CNTNAP2: variants seen among roughly 807,000 people sequenced by gnomAD.
CNTNAP2 encodes the protein contactin-associated protein-like 2.
In CNTNAP2, 98 loss-of-function variants were observed where a neutral mutation model predicts 155.2. The ratio of observed to expected loss-of-function variants is 0.63; its 90% confidence interval spans 0.54 to 0.75. CNTNAP2 has a LOEUF of 0.75. CNTNAP2 is among the 30% of genes least tolerant of loss of function. CNTNAP2 has a pLI of 0.00. For synonymous variants in CNTNAP2, 651 were observed against 631.2 expected, an observed-to-expected ratio of 1.03 and a Z score of -0.47; for missense variants, 1,727 against 1,688.1, an observed-to-expected ratio of 1.02 and a Z score of -0.40.
chr7:148,019,144 G>A (rs1802233095), intron 15 of CNTNAP2, among the ~76,000 whole-genome samples: 1 of 152,178 alleles, frequency 6.6e-6, no homozygotes, highest in Admixed American at 6.5e-5. Context: ...TCACTGATGT[G>A]AAAATCATTT....
intron 9 of CNTNAP2, among the ~76,000 whole-genome samples, chr7:147,365,764 A>G (rs949083044): frequency 4.6e-5 from 7 of 152,172 alleles, no homozygotes; most frequent in African/African-American, 1.7e-4. Context: ...GTTCATTTCT[A>G]TCAACATAGT....
chr7:146,624,298 T>C (rs1295001811), intron 1 of CNTNAP2, among the ~76,000 whole-genome samples: 1 of 152,084 alleles, frequency 6.6e-6, no homozygotes, highest in Non-Finnish European at 1.5e-5. Context: ...GGATAAAGGC[T>C]TGTGTGTACC....
At chr7:147,725,124 T>TA (rs1238747616) in intron 13 of CNTNAP2, among the ~76,000 whole-genome samples, 1 of 152,068 alleles carries the variant, frequency 6.6e-6, no homozygotes, top group Non-Finnish European at 1.5e-5. Flanking sequence ...AGGACACTCA[T>TA]AACCTTTCCT....
intron 21 of CNTNAP2, among the ~76,000 whole-genome samples, chr7:148,307,305 G>A (rs1267790684): frequency 6.6e-6 from 1 of 152,116 alleles, no homozygotes; most frequent in Non-Finnish European, 1.5e-5. Flanking sequence ...TGTTCTTCAC[G>A]AGCTTCCAGT....
intron 3 of CNTNAP2, among the ~76,000 whole-genome samples, chr7:146,985,830 T>C (rs942277940): frequency 1.3e-5 from 2 of 152,166 alleles, no homozygotes; most frequent in Non-Finnish European, 2.9e-5. Flanking sequence ...AACAATGCCA[T>C]TGGCCAACTA....
chr7:146,343,371 A>G (rs2129096979), intron 1 of CNTNAP2, among the ~76,000 whole-genome samples: 1 of 152,228 alleles, frequency 6.6e-6, no homozygotes, highest in South Asian at 2.1e-4. Flanking sequence ...TCGTGTAAAG[A>G]AAACAGTCAT....
rs562372562 is a variant in CNTNAP2, at chr7:146,933,075, T to G, written c.402+93171T>G. 4.7e-4 allele frequency among the ~76,000 whole-genome samples: 71 copies of G among 152,154 alleles called. No individual in the cohort carries two copies. In the East Asian group the frequency reaches 0.012, roughly 26 times the overall value. ...CTATCAATGACTTTCTTCACAGAAT[T>G]GGAAAAAACTACTTTAAAGTTCATA... On this transcript the variant is annotated intron_variant, in intron 3 of 23. Coordinates refer to ENST00000361727, the MANE Select transcript of CNTNAP2 (RefSeq NM_014141.6).
chr7:146,685,494 G>C (rs2533110), intron 1 of CNTNAP2, among the ~76,000 whole-genome samples: 107,894 of 152,008 alleles, frequency 0.71, 39,136 homozygotes, highest in South Asian at 0.86. Context: ...GTAAAAGGGT[G>C]GGAGAACCAA....
chr7:146,306,837 A>G (rs1800721763), intron 1 of CNTNAP2, among the ~76,000 whole-genome samples: 1 of 152,168 alleles, frequency 6.6e-6, no homozygotes, highest in South Asian at 2.1e-4. Flanking sequence ...ATCTCAAAAT[A>G]ATAAGAGCTA....
At chr7:147,036,865 A>G (rs1384008012) in intron 3 of CNTNAP2, among the ~76,000 whole-genome samples, 1 of 151,998 alleles carries the variant, frequency 6.6e-6, no homozygotes, top group Non-Finnish European at 1.5e-5. Context: ...TCCTTTTCAC[A>G]CCTATATGAA....
intron 1 of CNTNAP2, among the ~76,000 whole-genome samples, chr7:146,340,049 A>G (rs909593936): frequency 2.0e-5 from 3 of 151,598 alleles, no homozygotes; most frequent in Admixed American, 6.6e-5. Flanking sequence ...GGTGCCTGTA[A>G]TCCCAGCTAC....
intron 8 of CNTNAP2, among the ~76,000 whole-genome samples, chr7:147,197,442 C>T (rs1664579039): frequency 6.6e-6 from 1 of 151,290 alleles, no homozygotes; most frequent in African/African-American, 2.4e-5. Context: ...GTTCAAAACG[C>T]CAAGAACCTG....
intron 1 of CNTNAP2, among the ~76,000 whole-genome samples, chr7:146,482,206 G>GAAAAAAAAAAAAAAAAAAAAAAAAA (rs749887909): frequency 1.2e-5 from 1 of 82,172 alleles, no homozygotes; most frequent in Non-Finnish European, 2.3e-5. Context: ...CTAAGAATTA[G>GAAAAAAAAAAAAAAAAAAAAAAAAA]AAAAAAAAAA....
At chr7:146,755,335 A>G (rs1468425340) in intron 1 of CNTNAP2, among the ~76,000 whole-genome samples, 1 of 152,052 alleles carries the variant, frequency 6.6e-6, no homozygotes, top group Admixed American at 6.6e-5. Context: ...GTATGTGTGA[A>G]TATATGTGCT....
chr7:147,705,858 C>T (rs990498001), intron 13 of CNTNAP2, among the ~76,000 whole-genome samples: 1 of 152,036 alleles, frequency 6.6e-6, no homozygotes, highest in African/African-American at 2.4e-5. Context: ...TTTTCTCATA[C>T]AAGTTTAGCT....
At chr7:146,299,607 G>C (rs1009124424) in intron 1 of CNTNAP2, among the ~76,000 whole-genome samples, 3 of 151,834 alleles carry the variant, frequency 2.0e-5, no homozygotes, top group African/African-American at 7.3e-5. Flanking sequence ...TCACTTTGTT[G>C]TCCAGGATGG....
At chr7:146,639,853 G>T (rs1007025402) in intron 1 of CNTNAP2, among the ~76,000 whole-genome samples, 1 of 152,242 alleles carries the variant, frequency 6.6e-6, no homozygotes, top group African/African-American at 2.4e-5. Flanking sequence ...CCACATCACA[G>T]CTAAGAAGTG....
chr7:148,312,921 G>T (rs1008200358), intron 21 of CNTNAP2, among the ~76,000 whole-genome samples: 38 of 151,002 alleles, frequency 2.5e-4, no homozygotes, highest in Non-Finnish European at 5.0e-4. Context: ...CAAGTGGGGG[G>T]GATGTGAAGG....
intron 1 of CNTNAP2, among the ~76,000 whole-genome samples, chr7:146,159,043 T>C (rs373879677): frequency 6.6e-6 from 1 of 152,170 alleles, no homozygotes; most frequent in Non-Finnish European, 1.5e-5. Context: ...AGCAGATCTC[T>C]CGACAGAAAC....
Sources: allele counts gnomAD v4.1 joint callset (sites outside exome capture counted in the v4.1 genomes callset), GRCh38; gene constraint gnomAD v4.1.1; transcripts MANE v1.5; gene names NCBI Gene and HGNC (gene_info 2026-07-23, HGNC 2026-07-21).